The following VRK2 variants were observed in gnomAD, a reference collection of about 807,000 sequenced individuals.
The protein encoded by VRK2 is VRK serine/threonine kinase 2.
In VRK2, 60 loss-of-function variants were observed where a neutral mutation model predicts 57.6. The ratio of observed to expected loss-of-function variants is 1.04; its 90% CI spans 0.85 to 1.29. The LOEUF (loss-of-function observed/expected upper bound fraction) is 1.29, where lower values mean the gene tolerates loss of function less well. VRK2 is among the 50% of genes most tolerant of loss of function. VRK2 has a pLI of 0.00. For missense variants in VRK2, 705 were observed against 588.1 expected (o/e 1.20, Z -2.06); for synonymous variants, 231 against 199.2 (o/e 1.16, Z -1.35).
chr2:58,089,872 C>T (rs1017406311), intron 7 of VRK2, 149 bp downstream of exon 7: 2 of 596,154 alleles, frequency 3.4e-6, no homozygotes, highest in Non-Finnish European at 6.0e-6. Context: ...CTAATTTAAT[C>T]TTTGTACCAA....
At chr2:57,961,096 C>T (rs1457654522) in intron 1 of VRK2, among the ~76,000 whole-genome samples, 2 of 152,166 alleles carry the variant, frequency 1.3e-5, no homozygotes, top group South Asian at 2.1e-4. Context: ...AAAAGACAAA[C>T]AAACAAAAAT....
At chr2:58,146,549 C>CT in intron 12 of VRK2, 75 bp downstream of exon 12, 1 of 1,495,948 alleles carries the variant, frequency 6.7e-7, no homozygotes, top group Non-Finnish European at 9.0e-7. Context: ...ATAAAAACAT[C>CT]TTATTTTCTC....
At chr2:58,075,229 C>CT (rs1046833772) in intron 2 of VRK2, among the ~76,000 whole-genome samples, 19 of 152,034 alleles carry the variant, frequency 1.2e-4, no homozygotes, top group Admixed American at 1.1e-3. Context: ...CGATCTGATT[C>CT]TTTTTTATGG....
chr2:58,074,244 ACTAT>A (rs1236891960), intron 2 of VRK2, among the ~76,000 whole-genome samples: 1 of 152,096 alleles, frequency 6.6e-6, no homozygotes, highest in African/African-American at 2.4e-5. Flanking sequence ...CTACTCTGTC[ACTAT>A]CTGTCTTTTA....
chr2:58,093,929 C>T (rs1233160551), intron 7 of VRK2, among the ~76,000 whole-genome samples: 1 of 152,190 alleles, frequency 6.6e-6, no homozygotes, highest in Non-Finnish European at 1.5e-5. Flanking sequence ...GGAATCCTTT[C>T]CCCATTTCTT....
chr2:57,908,622 C>T lies in VRK2; in HGVS notation c.-439+783C>T, dbSNP rs370109968. On this transcript the variant is annotated intron_variant, in intron 1 of 15. Transcript: ENST00000417641. ...TTAATAAACCTTTTTGAGGCATCCA[C>T]ACTACCATATTTTACTAATTACTAA... is the stretch of plus-strand genomic sequence containing the variant. Among the ~76,000 whole-genome samples, 55 of 152,282 alleles carry T rather than the reference C, an allele frequency of 3.6e-4. 1 individual carries two copies. In the South Asian group the frequency reaches 0.011, roughly 29 times the overall value.
rs1255219521 is a variant in VRK2 at position 58,135,032 on chromosome 2, A to G, written c.798-109A>G. ...TTGGGTGACAAAAAAAAAAGCATTG[A>G]AAGTCACAATTTTGGTGACCTACCA... On this transcript the variant is annotated intron_variant, in intron 9 of 12. Transcript: ENST00000340157. 4 of 1,174,500 alleles carry G rather than the reference A, an allele frequency of 3.4e-6. No homozygotes were observed. In the East Asian group the frequency reaches 9.5e-5, roughly 28 times the overall value. The allele number at this position is 1,174,500 out of a possible 1,614,324, so 72.8% of individuals were successfully genotyped here.
At chr2:57,933,526 T>C (rs1309180042) in intron 1 of VRK2, among the ~76,000 whole-genome samples, 2 of 151,806 alleles carry the variant, frequency 1.3e-5, no homozygotes, top group African/African-American at 4.8e-5. Flanking sequence ...GCCAGGATAG[T>C]CTCGATTTCT....
rs370758213 is a variant in VRK2 at position 58,078,389 on chromosome 2, T to G, written c.137-5700T>G. On this transcript the variant is annotated intron_variant, in intron 2 of 12. Coordinates refer to ENST00000340157, the MANE Select transcript of VRK2 (RefSeq NM_006296.7). ...TTCCAAGTATATGCCACCTTTTGTT[T>G]AATTATCTGTCCATGGCCATTTGGG... Among the ~76,000 whole-genome samples the G allele has an allele frequency of 3.2e-4, 49 of 152,252 alleles. No homozygotes were observed. In the South Asian group the frequency reaches 9.5e-3, roughly 30 times the overall value.
chr2:58,153,348 A>G (rs957895452), intron 12 of VRK2, among the ~76,000 whole-genome samples: 9 of 152,098 alleles, frequency 5.9e-5, no homozygotes, highest in African/African-American at 1.9e-4. Flanking sequence ...AGCTGTAGAC[A>G]TTTTTATAGA....
chr2:57,966,259 G>A (rs1486872899), intron 1 of VRK2, among the ~76,000 whole-genome samples: 1 of 152,212 alleles, frequency 6.6e-6, no homozygotes, highest in Non-Finnish European at 1.5e-5. Flanking sequence ...TGCGCACAGT[G>A]GGTTGGGTTG....
At chr2:58,069,680 G>A (rs957666635) in intron 2 of VRK2, among the ~76,000 whole-genome samples, 1 of 152,096 alleles carries the variant, frequency 6.6e-6, no homozygotes, top group African/African-American at 2.4e-5. Flanking sequence ...TGCCGCCACT[G>A]TCATCACCAC....
chr2:58,047,794 C>A (rs544976676), intron 1 of VRK2, among the ~76,000 whole-genome samples: 1 of 152,228 alleles, frequency 6.6e-6, no homozygotes, highest in South Asian at 2.1e-4. Flanking sequence ...GCGACTCTAC[C>A]TGGGACAATA....
chr2:57,995,206 G>C (rs1476335078), intron 1 of VRK2, among the ~76,000 whole-genome samples: 1 of 152,046 alleles, frequency 6.6e-6, no homozygotes, highest in African/African-American at 2.4e-5. Flanking sequence ...AATTTTGAAT[G>C]GCTCTTTCAC....
chr2:58,052,192 T>C (rs1418327519), intron 2 of VRK2, among the ~76,000 whole-genome samples: 1 of 152,248 alleles, frequency 6.6e-6, no homozygotes, highest in East Asian at 1.9e-4. Context: ...GTTGTTTCTA[T>C]TCTGCATAAT....
chr2:58,146,231 CT>C (rs1166481893), intron 11 of VRK2, 84 bp from the exon 12 acceptor site: 18 of 1,197,302 alleles, frequency 1.5e-5, no homozygotes, highest in Middle Eastern at 2.2e-4. Context: ...AAGTTTAGAG[CT>C]TTTAAGAATC....
At chr2:57,952,088 A>G (rs375472238) in intron 1 of VRK2, among the ~76,000 whole-genome samples, 48 of 151,840 alleles carry the variant, frequency 3.2e-4, no homozygotes, top group East Asian at 2.7e-3. Context: ...ATATATATCT[A>G]TATATTTATA....
chr2:58,038,410 G>A (rs1315596715), intron 3 of VRK2, among the ~76,000 whole-genome samples: 2 of 152,050 alleles, frequency 1.3e-5, no homozygotes, highest in East Asian at 3.9e-4. Flanking sequence ...GTGTGAAAAT[G>A]GACTAACATG....
intron 7 of VRK2, among the ~76,000 whole-genome samples, chr2:58,120,760 C>A (rs112308007): frequency 1.3e-5 from 2 of 152,258 alleles, no homozygotes; most frequent in African/African-American, 4.8e-5. Context: ...GTTGTATAAC[C>A]CAAGATGGTC....
Sources: allele counts gnomAD v4.1 joint callset (sites outside exome capture counted in the v4.1 genomes callset), GRCh38; gene constraint gnomAD v4.1.1; transcripts MANE v1.5; gene names NCBI Gene and HGNC (gene_info 2026-07-23, HGNC 2026-07-21).